TAF1A: variants seen among roughly 807,000 people sequenced by gnomAD.
The protein encoded by TAF1A is TATA box-binding protein-associated factor RNA polymerase I subunit A.
A neutral mutation model predicts 61.6 loss-of-function variants in TAF1A; 42 were observed. The ratio of observed to expected loss-of-function variants is 0.68; its 90% confidence interval spans 0.53 to 0.88. The LOEUF (loss-of-function observed/expected upper bound fraction) is 0.88. TAF1A is among the 40% of genes least tolerant of loss of function. TAF1A has a pLI of 0.00. For missense variants in TAF1A, 424 were observed against 518.7 expected, an observed-to-expected ratio of 0.82 and a Z score of 1.77; for synonymous variants, 179 against 177.7, an observed-to-expected ratio of 1.01 and a Z score of -0.06.
downstream of TAF1A, among the ~76,000 whole-genome samples, chr1:222,556,547 T>C (rs546866378): frequency 2.7e-4 from 41 of 152,320 alleles, 1 homozygote; most frequent in South Asian, 8.3e-3. Context: ...GAATAATTCA[T>C]AGGACTGTGG....
At chr1:222,559,368 G>A (rs1398371409) in intron 10 of TAF1A, among the ~76,000 whole-genome samples, 1 of 152,204 alleles carries the variant, frequency 6.6e-6, no homozygotes, top group Non-Finnish European at 1.5e-5. Flanking sequence ...TCTCACAGAG[G>A]TGCCTCATGC....
chr1:222,573,785 A>G (rs1660454752), intron 5 of TAF1A, among the ~76,000 whole-genome samples: 3 of 152,230 alleles, frequency 2.0e-5, no homozygotes, highest in Admixed American at 6.5e-5. Flanking sequence ...TGTCCATACA[A>G]AAACTTGTAC....
At chr1:222,585,756 CAAG>C (rs1269361511) in intron 2 of TAF1A, among the ~76,000 whole-genome samples, 2 of 152,064 alleles carry the variant, frequency 1.3e-5, no homozygotes, top group Non-Finnish European at 2.9e-5. Context: ...ACTTTTATTG[CAAG>C]AAGTACAACA....
chr1:222,556,785 GAGAAA>G (rs1659732763), downstream of TAF1A, among the ~76,000 whole-genome samples: 1 of 152,162 alleles, frequency 6.6e-6, no homozygotes, highest in Non-Finnish European at 1.5e-5. Context: ...TAGAGATCAA[GAGAAA>G]TCATAGTCCT....
At chr1:222,566,787 A>G (rs1293928660) in intron 7 of TAF1A, among the ~76,000 whole-genome samples, 2 of 152,198 alleles carry the variant, frequency 1.3e-5, no homozygotes, top group Non-Finnish European at 2.9e-5. Context: ...CTGCACTAGG[A>G]TATCAATGAT....
At chr1:222,571,398 A>G (rs574091244) in intron 5 of TAF1A, among the ~76,000 whole-genome samples, 34 of 152,282 alleles carry the variant, frequency 2.2e-4, no homozygotes, top group Admixed American at 2.0e-3. Flanking sequence ...AAGCAAGAAC[A>G]TAACAAAAAG....
Position 222,584,139 on chromosome 1 carries a change from C to T in TAF1A, c.280G>A (p.Ala94Thr). 1.9e-6 allele frequency: 3 copies of T among 1,609,138 alleles called. No individual in the cohort carries two copies. Among genetic ancestry groups the T allele is most frequent in the Middle Eastern group, 1.7e-4 (1 of 6,052 alleles). ...CAAATTTTATTTACCTCAGGTGCAG[C>T]CTGCCTTTTGTAGCTATCTGAATCT... is the stretch of plus-strand genomic sequence containing the variant. Reference protein sequence around the residue: ...LEDSDSYKRQAAPEIIWKLGS... With the variant: ...LEDSDSYKRQTAPEIIWKLGS... Residue 94 changes from alanine to threonine, a missense_variant, in exon 3 of 11, where the codon GCT becomes ACT. Transcript: ENST00000352967.
chr1:222,556,543 T>A (rs1232055998), downstream of TAF1A, among the ~76,000 whole-genome samples: 1 of 152,174 alleles, frequency 6.6e-6, no homozygotes, highest in East Asian at 1.9e-4. Context: ...ATAGGAATAA[T>A]TCATAGGACT....
chr1:222,580,772 G>GAA (rs1342818280), intron 3 of TAF1A, among the ~76,000 whole-genome samples: 3 of 75,016 alleles, frequency 4.0e-5, no homozygotes, highest in Admixed American at 1.8e-4. Flanking sequence ...AGAAAAGCAG[G>GAA]AAAAAAAAAA....
At chr1:222,555,615 C>T (rs965312610), downstream of TAF1A, among the ~76,000 whole-genome samples, 8 of 152,050 alleles carry the variant, frequency 5.3e-5, no homozygotes, top group African/African-American at 1.4e-4. Flanking sequence ...ACAAGATGAA[C>T]GATTTCTGGA....
chr1:222,584,734 C>T (rs1660943883), intron 2 of TAF1A, among the ~76,000 whole-genome samples: 1 of 152,252 alleles, frequency 6.6e-6, no homozygotes, highest in South Asian at 2.1e-4. Context: ...GACCAAATTC[C>T]TAGTAACTCA....
intron 5 of TAF1A, among the ~76,000 whole-genome samples, chr1:222,571,649 A>C (rs940559733): frequency 6.6e-6 from 1 of 152,084 alleles, no homozygotes; most frequent in African/African-American, 2.4e-5. Context: ...AAAGTAACAA[A>C]ATGGGTAGAA....
intron 4 of TAF1A, 122 bp downstream of exon 4, chr1:222,579,637 T>C (rs1660705329): frequency 8.4e-7 from 1 of 1,193,166 alleles, no homozygotes; most frequent in Non-Finnish European, 1.2e-6. Context: ...GTTTCTCTTA[T>C]TTATCCAGAA....
At chr1:222,565,559 T>C (rs985794461) in intron 7 of TAF1A, among the ~76,000 whole-genome samples, 2 of 152,252 alleles carry the variant, frequency 1.3e-5, no homozygotes, top group Non-Finnish European at 2.9e-5. Context: ...AGCACAGTCT[T>C]GCTTTTGTTT....
chr1:222,564,693 T>C (rs1458980130), intron 7 of TAF1A, among the ~76,000 whole-genome samples: 1 of 152,160 alleles, frequency 6.6e-6, no homozygotes, highest in East Asian at 1.9e-4. Context: ...GGAAGGACTA[T>C]TTTTATGAAT....
At chr1:222,573,495 T>C (rs1020612806) in intron 5 of TAF1A, among the ~76,000 whole-genome samples, 13 of 152,208 alleles carry the variant, frequency 8.5e-5, no homozygotes, top group African/African-American at 2.2e-4. Flanking sequence ...CATAAGCACA[T>C]GAAAAGATGC....
intron 5 of TAF1A, among the ~76,000 whole-genome samples, chr1:222,575,017 T>C (rs867524304): frequency 2.6e-5 from 4 of 152,182 alleles, no homozygotes; most frequent in South Asian, 2.1e-4. Context: ...TTGTTTTATA[T>C]GCTTTTTCTG....
At chr1:222,569,326 G>A in intron 7 of TAF1A, 184 bp downstream of exon 7, 1 of 1,522,370 alleles carries the variant, frequency 6.6e-7, no homozygotes, top group Non-Finnish European at 8.8e-7. Context: ...CCGGGCAGCA[G>A]GGGATAGTGT....
rs965306458 is a variant in TAF1A, at chr1:222,574,518, C to T, written c.604+2927G>A. On this transcript the variant is annotated intron_variant, in intron 5 of 10. Transcript: ENST00000352967. ...TCCTAGAAATGCATACTTATGTGCACCGGTATACAGAAATTAATAGGGGTT... is the reference window on the plus strand; with the variant it reads ...TCCTAGAAATGCATACTTATGTGCATCGGTATACAGAAATTAATAGGGGTT... Among the ~76,000 whole-genome samples, 6 of 151,996 alleles carry T rather than the reference C, an allele frequency of 3.9e-5. No individual in the cohort carries two copies. The East Asian group carries it at 5.8e-4, about 15-fold the overall frequency.
Sources: gnomAD v4.1 joint callset for allele counts (sites outside exome capture counted in the v4.1 genomes callset) on GRCh38, gnomAD v4.1.1 for gene constraint, MANE v1.5 for transcripts, NCBI Gene and HGNC (gene_info 2026-07-23, HGNC 2026-07-21) for gene names.